IGFL2: variants seen among roughly 807,000 people sequenced by gnomAD.
IGFL2 encodes insulin growth factor-like family member 2.
A neutral mutation model predicts 13.9 loss-of-function variants in IGFL2; 7 were observed. The ratio of observed to expected loss-of-function variants is 0.51; its 90% CI spans 0.29 to 0.95. The LOEUF (loss-of-function observed/expected upper bound fraction) is 0.95, where lower values mean the gene tolerates loss of function less well. Ranked by LOEUF, IGFL2 falls within the 40% of genes least tolerant of loss-of-function variation. The pLI is 0.08. For missense variants in IGFL2, 138 were observed against 147.8 expected (o/e 0.93, Z 0.34); for synonymous variants, 55 against 55.8 (o/e 0.99, Z 0.07).
the IGFL2 span, among the ~76,000 whole-genome samples, chr19:46,130,739 A>G: frequency 6.6e-6 from 1 of 152,164 alleles, no homozygotes; most frequent in Non-Finnish European, 1.5e-5. Context: ...AATGATGTAT[A>G]GTTCCTTTTC....
the IGFL2 span, among the ~76,000 whole-genome samples, chr19:46,093,569 C>T: frequency 4.5e-4 from 68 of 152,194 alleles, no homozygotes; most frequent in African/African-American, 1.5e-3. Flanking sequence ...GAGGCAAAAA[C>T]GCATGCAGAT....
chr19:46,194,735 T>A, the IGFL2 span, among the ~76,000 whole-genome samples: 2 of 150,172 alleles, frequency 1.3e-5, no homozygotes, highest in Admixed American at 1.3e-4. Context: ...GGCAGGAGAA[T>A]CACTTGAACC....
At chr19:46,155,543 A>G (rs973807947) in intron 1 of IGFL2, among the ~76,000 whole-genome samples, 1 of 152,240 alleles carries the variant, frequency 6.6e-6, no homozygotes, top group Non-Finnish European at 1.5e-5. Flanking sequence ...TATAAAAAAA[A>G]TAATTTTCAT....
the IGFL2 span, among the ~76,000 whole-genome samples, chr19:46,130,602 G>A: frequency 2.6e-5 from 4 of 152,102 alleles, no homozygotes; most frequent in Non-Finnish European, 4.4e-5. Context: ...TTAAGCTGTG[G>A]CAAAAAGAGG....
the IGFL2 span, among the ~76,000 whole-genome samples, chr19:46,109,094 G>C: frequency 6.7e-6 from 1 of 150,278 alleles, no homozygotes; most frequent in African/African-American, 2.5e-5. Context: ...TGTCACGTGT[G>C]TCTGTATGAA....
At chr19:46,117,017 A>G in the IGFL2 span, among the ~76,000 whole-genome samples, 2 of 152,162 alleles carry the variant, frequency 1.3e-5, no homozygotes, top group Non-Finnish European at 2.9e-5. Context: ...GCATAAACTT[A>G]ATTGATTGGA....
chr19:46,149,217 T>C (rs1406371191), intron 1 of IGFL2, among the ~76,000 whole-genome samples: 1 of 149,746 alleles, frequency 6.7e-6, no homozygotes, highest in Non-Finnish European at 1.5e-5. Flanking sequence ...TCTCTCCCTC[T>C]CTTTTCTCTC....
the IGFL2 span, chr19:46,210,101 C>T: frequency 6.6e-6 from 1 of 152,166 alleles, no homozygotes; most frequent in Admixed American, 6.5e-5. Context: ...GGACTTGTTC[C>T]CTTCTTGTTG....
the IGFL2 span, among the ~76,000 whole-genome samples, chr19:46,127,374 G>C: frequency 1.3e-5 from 2 of 152,048 alleles, no homozygotes; most frequent in African/African-American, 4.8e-5. Flanking sequence ...AGGAAGGAAG[G>C]AGAGAAAGAG....
At chr19:46,088,488 C>T in the IGFL2 span, among the ~76,000 whole-genome samples, 5 of 152,154 alleles carry the variant, frequency 3.3e-5, no homozygotes, top group African/African-American at 1.2e-4. Context: ...ATTTACACTT[C>T]GTGTTCATTA....
the IGFL2 span, chr19:46,120,283 C>G: frequency 0.018 from 29,292 of 1,609,130 alleles, 813 homozygotes; most frequent in Non-Finnish European, 0.021. Flanking sequence ...CCAGCTGCTT[C>G]GTCTCTTCTC....
chr19:46,194,830 T>TTATATATATA, the IGFL2 span, among the ~76,000 whole-genome samples: 19 of 46,782 alleles, frequency 4.1e-4, no homozygotes, highest in East Asian at 1.0e-3. Flanking sequence ...CTTCCTCATT[T>TTATATATATA]TATATATATA....
the IGFL2 span, among the ~76,000 whole-genome samples, chr19:46,129,962 T>C: frequency 2.0e-5 from 3 of 152,180 alleles, no homozygotes; most frequent in Non-Finnish European, 4.4e-5. Context: ...CAGTGAGGTA[T>C]TGAAGTTTCC....
At chr19:46,192,423 CTT>C in the IGFL2 span, among the ~76,000 whole-genome samples, 14 of 142,308 alleles carry the variant, frequency 9.8e-5, no homozygotes, top group Non-Finnish European at 1.4e-4. Context: ...CATTCTTTTG[CTT>C]TTTTTTTTTT....
chr19:46,191,767 A>G, the IGFL2 span, among the ~76,000 whole-genome samples: 3 of 152,202 alleles, frequency 2.0e-5, no homozygotes, highest in Admixed American at 6.5e-5. Context: ...TTTGTCTCAC[A>G]GTGACCACCA....
upstream of IGFL2, among the ~76,000 whole-genome samples, chr19:46,138,549 C>T (rs1972709933): frequency 1.3e-5 from 2 of 152,126 alleles, no homozygotes; most frequent in Admixed American, 6.5e-5. Flanking sequence ...TGCATGCTGG[C>T]AAAGTGTTGA....
At chr19:46,094,039 T>C in the IGFL2 span, among the ~76,000 whole-genome samples, 3 of 150,288 alleles carry the variant, frequency 2.0e-5, no homozygotes, top group Admixed American at 2.0e-4. Context: ...GGAGGATTTT[T>C]TTTTTTTTTT....
chr19:46,104,356 C>T, the IGFL2 span, among the ~76,000 whole-genome samples: 4 of 152,210 alleles, frequency 2.6e-5, no homozygotes, highest in East Asian at 3.9e-4. Context: ...ACCATTAGTC[C>T]GTTCTACCTT....
the IGFL2 span, among the ~76,000 whole-genome samples, chr19:46,079,891 C>T: frequency 1.3e-5 from 2 of 152,160 alleles, no homozygotes; most frequent in Admixed American, 6.5e-5. Flanking sequence ...CAATGCTGCC[C>T]ATCAAGGAAG....
Sources: allele counts gnomAD v4.1 joint callset (sites outside exome capture counted in the v4.1 genomes callset), GRCh38; gene constraint gnomAD v4.1.1; transcripts MANE v1.5; gene names NCBI Gene and HGNC (gene_info 2026-07-23, HGNC 2026-07-21).